ETV6: variants seen among roughly 807,000 people sequenced by gnomAD.
The protein encoded by ETV6 is ETS variant transcription factor 6.
Under a neutral mutation model 51.1 loss-of-function variants are expected in ETV6, and 16 were observed. The ratio of observed to expected loss-of-function variants is 0.31; its 90% CI spans 0.21 to 0.48. The LOEUF (loss-of-function observed/expected upper bound fraction) is 0.48. Ranked by LOEUF, ETV6 falls within the 20% of genes least tolerant of loss-of-function variation. ETV6 has a pLI of 0.99. For missense variants in ETV6, 458 were observed against 594.8 expected, an observed-to-expected ratio of 0.77 and a Z score of 2.39; for synonymous variants, 240 against 224.1, an observed-to-expected ratio of 1.07 and a Z score of -0.64.
intron 1 of ETV6, among the ~76,000 whole-genome samples, chr12:11,743,477 G>A (rs149106508): frequency 6.6e-5 from 10 of 152,256 alleles, no homozygotes; most frequent in East Asian, 1.9e-4. Flanking sequence ...GAGGGTTGGG[G>A]TATCCCTTAG....
At chr12:11,883,647 C>T (rs546736765) in intron 5 of ETV6, among the ~76,000 whole-genome samples, 6 of 152,248 alleles carry the variant, frequency 3.9e-5, no homozygotes, top group Middle Eastern at 3.4e-3. Flanking sequence ...GGCCCAACAC[C>T]ATGCCTAGTC....
At chr12:11,769,666 C>T (rs1233727871) in intron 2 of ETV6, among the ~76,000 whole-genome samples, 1 of 152,162 alleles carries the variant, frequency 6.6e-6, no homozygotes, top group African/African-American at 2.4e-5. Context: ...CCTTCATATT[C>T]CCCGTTTGAG....
At position 11,691,265 on chromosome 12, in the gene ETV6, C is replaced by T. The variant is rs143003966; in HGVS notation, c.33+41105C>T. Among the ~76,000 whole-genome samples the T allele has an allele frequency of 5.3e-4, 81 of 152,252 alleles. 2 individuals carry two copies. In the East Asian group the frequency reaches 0.013, roughly 24 times the overall value. On this transcript the variant is annotated intron_variant, in intron 1 of 7. Coordinates refer to ENST00000396373, the MANE Select transcript of ETV6 (RefSeq NM_001987.5). ...CATTGAGAGTTAGGATTTCAACATACGAATTCTGGGGTAACACAAACCTTG... is the reference window on the plus strand; with the variant it reads ...CATTGAGAGTTAGGATTTCAACATATGAATTCTGGGGTAACACAAACCTTG...
At chr12:11,816,308 C>T (rs757083232) in intron 2 of ETV6, among the ~76,000 whole-genome samples, 2 of 152,178 alleles carry the variant, frequency 1.3e-5, no homozygotes, top group Non-Finnish European at 2.9e-5. Flanking sequence ...GCAATGGCGC[C>T]GTCTCGGCTC....
At chr12:11,677,739 T>G (rs1231054716) in intron 1 of ETV6, among the ~76,000 whole-genome samples, 1 of 152,212 alleles carries the variant, frequency 6.6e-6, no homozygotes, top group African/African-American at 2.4e-5. Flanking sequence ...GGCGGACAAA[T>G]TACTGGACCT....
At chr12:11,832,306 G>T (rs1489493779) in intron 2 of ETV6, among the ~76,000 whole-genome samples, 1 of 152,204 alleles carries the variant, frequency 6.6e-6, no homozygotes, top group African/African-American at 2.4e-5. Flanking sequence ...TGCAAACATT[G>T]ACAGAAGGGA....
rs1289110852 is a variant in ETV6 at position 11,874,483 on chromosome 12, C to T, written c.1009+4514C>T. 6.9e-5 allele frequency among the ~76,000 whole-genome samples: 6 copies of T among 86,488 alleles called. 3 individuals are homozygous for T. The highest frequency in any genetic ancestry group is 2.0e-4 in the African/African-American group (4 of 20,176). 56.7% of individuals were successfully genotyped at this position (86,488 alleles called of 152,430 possible). ...ATATATACACACACACGTGTATGTG[C>T]GTGTGTACACACATATGTGTATGTG... On this transcript the variant is annotated intron_variant, in intron 5 of 7. Transcript: ENST00000396373.
At chr12:11,693,847 T>G (rs1864819396) in intron 1 of ETV6, among the ~76,000 whole-genome samples, 1 of 152,250 alleles carries the variant, frequency 6.6e-6, no homozygotes, top group East Asian at 1.9e-4. Context: ...AGAGACTCTA[T>G]GGCTAGCAGA....
intron 2 of ETV6, among the ~76,000 whole-genome samples, chr12:11,793,931 T>G (rs532623309): frequency 6.6e-6 from 1 of 152,188 alleles, no homozygotes; most frequent in South Asian, 2.1e-4. Context: ...ATCAAAAAGA[T>G]ATGAATGCTG....
At chr12:11,829,562 T>TTCTCACA (rs1946212023) in intron 2 of ETV6, among the ~76,000 whole-genome samples, 1 of 152,228 alleles carries the variant, frequency 6.6e-6, no homozygotes, top group South Asian at 2.1e-4. Flanking sequence ...AGAACTCTTC[T>TTCTCACA]AAGTCACGTT....
intron 1 of ETV6, among the ~76,000 whole-genome samples, chr12:11,653,007 A>G (rs916027066): frequency 6.6e-6 from 1 of 152,010 alleles, no homozygotes; most frequent in African/African-American, 2.4e-5. Context: ...TTGTTTCTCT[A>G]CACGCGACTT....
At chr12:11,674,615 TTGTG>T (rs5796457) in intron 1 of ETV6, among the ~76,000 whole-genome samples, 6,980 of 133,134 alleles carry the variant, frequency 0.052, 409 homozygotes, top group African/African-American at 0.15. Flanking sequence ...TAGGGGTTAT[TTGTG>T]TGTGTGTGTG....
At chr12:11,735,889 C>A (rs112256544) in intron 1 of ETV6, among the ~76,000 whole-genome samples, 10,656 of 152,268 alleles carry the variant, frequency 0.07, 953 homozygotes, top group African/African-American at 0.21. Flanking sequence ...CGTGAACCAT[C>A]GCGCCCGGCC....
intron 1 of ETV6, among the ~76,000 whole-genome samples, chr12:11,739,656 A>G (rs1029532912): frequency 6.6e-6 from 1 of 152,216 alleles, no homozygotes; most frequent in African/African-American, 2.4e-5. Context: ...AAGACTTAGT[A>G]TGAAAAAAAC....
At chr12:11,805,689 C>A (rs1269380989) in intron 2 of ETV6, among the ~76,000 whole-genome samples, 1 of 152,174 alleles carries the variant, frequency 6.6e-6, no homozygotes, top group East Asian at 1.9e-4. Flanking sequence ...AAGCCCAGCC[C>A]AACTGGCATT....
At chr12:11,694,490 C>T (rs1316601831) in intron 1 of ETV6, among the ~76,000 whole-genome samples, 2 of 152,296 alleles carry the variant, frequency 1.3e-5, no homozygotes, top group East Asian at 3.9e-4. Context: ...CTGTAATGCT[C>T]AATATATTTT....
At position 11,752,540 on chromosome 12, in the gene ETV6, A is replaced by G. The variant is rs199863871; in HGVS notation, c.124A>G (p.Arg42Gly). Residue 42 changes from arginine to glycine, a missense_variant, in exon 2 of 8, where the codon AGG becomes GGG. Arg to Gly is a moderately radical substitution (Grantham distance 125). This residue lies in a region of ETV6 where 84 missense variants were observed against 75.9 expected (regional missense o/e 1.11). Coordinates refer to ENST00000396373, the MANE Select transcript of ETV6 (RefSeq NM_001987.5). ...TCATGTTCCAGTGCCTCGAGCGCTC[A>G]GGATGGAGGAAGACTCGATCCGCCT... The part of the protein sequence containing the change: ...PLHVPVPRAL[R>G]MEEDSIRLPA... 10 of 1,613,814 alleles carry G rather than the reference A, an allele frequency of 6.2e-6. No individual in the cohort carries two copies. The highest frequency in any genetic ancestry group is 5.5e-5 in the South Asian group (5 of 91,070).
intron 1 of ETV6, among the ~76,000 whole-genome samples, chr12:11,653,764 T>TG (rs1054587069): frequency 5.9e-5 from 9 of 152,200 alleles, no homozygotes; most frequent in African/African-American, 1.9e-4. Flanking sequence ...AGAGCACTCC[T>TG]GGGGGGTCTG....
intron 5 of ETV6, among the ~76,000 whole-genome samples, chr12:11,874,652 A>ATGTG (rs1251532708): frequency 0.015 from 135 of 8,812 alleles, 31 homozygotes; most frequent in African/African-American, 0.043. Context: ...ATATACACAT[A>ATGTG]TGTGTGTATA....
Sources: allele counts gnomAD v4.1 joint callset (sites outside exome capture counted in the v4.1 genomes callset), GRCh38; gene constraint gnomAD v4.1.1; regional missense constraint gnomAD v4.1.1; transcripts MANE v1.5; gene names NCBI Gene and HGNC (gene_info 2026-07-23, HGNC 2026-07-21).